The following SEZ6L variants were observed in gnomAD, a reference collection of about 807,000 sequenced individuals.
The protein encoded by SEZ6L is seizure related 6 homolog like, also known as seizure 6-like protein.
Under a neutral mutation model 106.2 loss-of-function variants are expected in SEZ6L, and 37 were observed. The observed-to-expected ratio is 0.35, with a 90% CI of 0.27 to 0.46. The LOEUF is 0.46. SEZ6L is among the 20% of genes least tolerant of loss of function. The pLI, the probability that SEZ6L is intolerant of heterozygous loss-of-function variation, is 1.00. For synonymous variants in SEZ6L, 541 were observed against 570.4 expected, an observed-to-expected ratio of 0.95 and a Z score of 0.73; for missense variants, 1,172 against 1,332.8, an observed-to-expected ratio of 0.88 and a Z score of 1.88.
intron 9 of SEZ6L, among the ~76,000 whole-genome samples, chr22:26,327,737 A>G (rs1211270757): frequency 6.6e-6 from 1 of 152,122 alleles, no homozygotes; most frequent in Non-Finnish European, 1.5e-5. Flanking sequence ...ACACAAACAC[A>G]CATACTGCCA....
chr22:26,244,949 C>T (rs1159621831), intron 1 of SEZ6L, among the ~76,000 whole-genome samples: 1 of 152,026 alleles, frequency 6.6e-6, no homozygotes, highest in East Asian at 1.9e-4. Flanking sequence ...TGGGGAGCCA[C>T]GGAGGGTTTT....
intron 9 of SEZ6L, among the ~76,000 whole-genome samples, chr22:26,326,852 C>T (rs557822355): frequency 4.6e-5 from 7 of 152,328 alleles, no homozygotes; most frequent in Admixed American, 3.3e-4. Context: ...CCTGTGATGG[C>T]CGAGGCCTGG....
At chr22:26,375,497 G>A (rs561441543) in intron 14 of SEZ6L, 78 bp from the exon 15 acceptor site, 3 of 1,155,968 alleles carry the variant, frequency 2.6e-6, no homozygotes, top group Admixed American at 1.8e-5. Flanking sequence ...CTCCAAAGGG[G>A]TGGAGAACTG....
In SEZ6L at chr22:26,229,146, G is replaced by A. The variant is rs150222796; in HGVS notation, c.94+59383G>A. 3.3e-4 allele frequency among the ~76,000 whole-genome samples: 50 copies of A among 152,204 alleles called. No individual in the cohort carries two copies. The East Asian group carries it at 7.3e-3, about 22-fold the overall frequency. On this transcript the variant is annotated intron_variant, in intron 1 of 16. Coordinates refer to ENST00000248933, the MANE Select transcript of SEZ6L (RefSeq NM_021115.5). ...CGAGTGGCTGGGATTATAGGCATGC[G>A]CCACCACACCTGGATAATTTTTGTA... is the stretch of plus-strand genomic sequence containing the variant.
intron 1 of SEZ6L, among the ~76,000 whole-genome samples, chr22:26,277,456 G>T (rs2080587612): frequency 6.6e-6 from 1 of 152,200 alleles, no homozygotes; most frequent in South Asian, 2.1e-4. Flanking sequence ...GCCAGAAAAT[G>T]AAGAGAACAG....
At chr22:26,370,829 C>A (rs2084006112) in intron 13 of SEZ6L, among the ~76,000 whole-genome samples, 1 of 151,868 alleles carries the variant, frequency 6.6e-6, no homozygotes, top group African/African-American at 2.4e-5. Context: ...AATAGTGGGA[C>A]CTCATTTCTA....
chr22:26,216,377 C>T (rs546457001), intron 1 of SEZ6L, among the ~76,000 whole-genome samples: 3 of 152,220 alleles, frequency 2.0e-5, no homozygotes, highest in East Asian at 1.9e-4. Flanking sequence ...CAGCAGGGGC[C>T]GAGTGTGATG....
intron 1 of SEZ6L, among the ~76,000 whole-genome samples, chr22:26,214,294 G>T (rs1319786929): frequency 1.3e-5 from 2 of 152,208 alleles, no homozygotes; most frequent in Non-Finnish European, 2.9e-5. Flanking sequence ...CGGAAGCAGT[G>T]ATAGTTCCTG....
intron 1 of SEZ6L, among the ~76,000 whole-genome samples, chr22:26,254,405 G>A (rs1335018166): frequency 6.6e-6 from 1 of 152,040 alleles, no homozygotes; most frequent in Non-Finnish European, 1.5e-5. Flanking sequence ...GAAACGGAGA[G>A]CAGGAAGGAG....
At chr22:26,215,534 T>C (rs1239247771) in intron 1 of SEZ6L, among the ~76,000 whole-genome samples, 1 of 151,934 alleles carries the variant, frequency 6.6e-6, no homozygotes, top group Non-Finnish European at 1.5e-5. Flanking sequence ...AGATCCCTAA[T>C]GGAGACTCAG....
At chr22:26,231,282 G>T (rs945696829) in intron 1 of SEZ6L, among the ~76,000 whole-genome samples, 2 of 152,192 alleles carry the variant, frequency 1.3e-5, no homozygotes, top group African/African-American at 4.8e-5. Flanking sequence ...TCATTGCCAT[G>T]GAAAGGGACA....
intron 1 of SEZ6L, among the ~76,000 whole-genome samples, chr22:26,292,029 AAG>A (rs1491017709): frequency 2.3e-5 from 2 of 86,946 alleles, no homozygotes; most frequent in Non-Finnish European, 4.7e-5. Flanking sequence ...GGAAGGAAGG[AAG>A]GAAGGATGGA....
intron 1 of SEZ6L, among the ~76,000 whole-genome samples, chr22:26,244,930 C>T (rs1316376884): frequency 6.6e-6 from 1 of 152,116 alleles, no homozygotes; most frequent in Admixed American, 6.5e-5. Flanking sequence ...GTGTTTGCTC[C>T]TTCAGCAATG....
intron 1 of SEZ6L, among the ~76,000 whole-genome samples, chr22:26,237,236 G>A (rs564732633): frequency 1.3e-5 from 2 of 152,304 alleles, no homozygotes; most frequent in Admixed American, 6.5e-5. Flanking sequence ...GCACTGACTC[G>A]CTGCTGAGTA....
At chr22:26,247,506 G>A (rs1179135633) in intron 1 of SEZ6L, among the ~76,000 whole-genome samples, 1 of 152,162 alleles carries the variant, frequency 6.6e-6, no homozygotes, top group African/African-American at 2.4e-5. Context: ...CACACTCAGA[G>A]AAGAATGCCA....
intron 10 of SEZ6L, among the ~76,000 whole-genome samples, chr22:26,341,041 A>C (rs2145990159): frequency 6.6e-6 from 1 of 151,188 alleles, no homozygotes; most frequent in South Asian, 2.1e-4. Flanking sequence ...CATACTTCCT[A>C]ATTTCTTCCC....
At chr22:26,267,325 C>T (rs1179678053) in intron 1 of SEZ6L, among the ~76,000 whole-genome samples, 2 of 152,160 alleles carry the variant, frequency 1.3e-5, no homozygotes, top group Non-Finnish European at 2.9e-5. Context: ...CCTTCCAAAA[C>T]GTGGGTTTTC....
chr22:26,246,607 A>G (rs1256075035), intron 1 of SEZ6L, among the ~76,000 whole-genome samples: 1 of 152,232 alleles, frequency 6.6e-6, no homozygotes, highest in African/African-American at 2.4e-5. Context: ...CGAAAGTACA[A>G]AGTTTCAAAC....
intron 1 of SEZ6L, among the ~76,000 whole-genome samples, chr22:26,291,808 C>G (rs1384038479): frequency 6.6e-6 from 1 of 152,188 alleles, no homozygotes; most frequent in African/African-American, 2.4e-5. Context: ...TCTTAGCACA[C>G]AAGCTTTTCT....
Sources: allele counts gnomAD v4.1 joint callset (sites outside exome capture counted in the v4.1 genomes callset), GRCh38; gene constraint gnomAD v4.1.1; transcripts MANE v1.5; gene names NCBI Gene and HGNC (gene_info 2026-07-23, HGNC 2026-07-21).